RYR2: variants seen among roughly 807,000 people sequenced by gnomAD.
RYR2 encodes cardiac muscle ryanodine receptor-calcium release channel.
In RYR2, 227 loss-of-function variants were observed where a neutral mutation model predicts 601.1. The observed-to-expected ratio is 0.38, with a 90% confidence interval of 0.34 to 0.42. The LOEUF (loss-of-function observed/expected upper bound fraction) is 0.42, where lower values mean the gene tolerates loss of function less well. Ranked by LOEUF, RYR2 falls within the 10% of genes least tolerant of loss-of-function variation. The probability of loss-of-function intolerance (pLI) is 1.00; values close to 1 mark genes in which losing one functional copy is unlikely to be tolerated. For missense variants in RYR2, 4,646 were observed against 6,156.5 expected (o/e 0.75, Z 8.21); for synonymous variants, 2,223 against 2,175.1 (o/e 1.02, Z -0.61).
intron 101 of RYR2, among the ~76,000 whole-genome samples, chr1:237,821,011 G>A (rs994975746): frequency 1.2e-4 from 19 of 152,172 alleles, no homozygotes; most frequent in African/African-American, 4.3e-4. Context: ...GGAAAAAAAA[G>A]GCAGCAATCC....
intron 91 of RYR2, 57 bp from the exon 92 acceptor site, chr1:237,787,931 A>C: frequency 6.6e-7 from 1 of 1,504,262 alleles, no homozygotes. Flanking sequence ...TTTCCACAAC[A>C]CCCGTTTAGT....
intron 1 of RYR2, among the ~76,000 whole-genome samples, chr1:237,133,387 A>G (rs749934801): frequency 6.6e-6 from 1 of 152,148 alleles, no homozygotes; most frequent in African/African-American, 2.4e-5. Flanking sequence ...TTCTTACTTG[A>G]TATGAATAAG....
chr1:237,248,044 T>C (rs1558493879), intron 1 of RYR2, among the ~76,000 whole-genome samples: 1 of 151,952 alleles, frequency 6.6e-6, no homozygotes, highest in Non-Finnish European at 1.5e-5. Flanking sequence ...GAGGCCAAGG[T>C]GGGCAGATCA....
intron 102 of RYR2, among the ~76,000 whole-genome samples, chr1:237,829,230 T>C (rs548183431): frequency 2.0e-5 from 3 of 152,306 alleles, no homozygotes; most frequent in East Asian, 3.9e-4. Context: ...ATTTGCATTT[T>C]AAAAAGATAA....
chr1:237,751,037 A>G (rs1692494075), intron 80 of RYR2, among the ~76,000 whole-genome samples: 1 of 152,238 alleles, frequency 6.6e-6, no homozygotes, highest in Admixed American at 6.5e-5. Flanking sequence ...TCAAAATTCA[A>G]GTAATGAGCT....
chr1:237,148,521 A>C (rs1239475402), intron 1 of RYR2, among the ~76,000 whole-genome samples: 9 of 44,000 alleles, frequency 2.0e-4, no homozygotes, highest in African/African-American at 6.4e-4. Context: ...CAAGTAAAAA[A>C]AAAAAAATAT....
chr1:237,495,009 T>A (rs1447913105), intron 19 of RYR2, among the ~76,000 whole-genome samples: 2 of 152,164 alleles, frequency 1.3e-5, no homozygotes, highest in Non-Finnish European at 2.9e-5. Context: ...CAGCCTGGTC[T>A]CGAACTCCTG....
chr1:237,780,713 T>C (rs879628186), intron 88 of RYR2, among the ~76,000 whole-genome samples: 1 of 152,198 alleles, frequency 6.6e-6, no homozygotes, highest in Non-Finnish European at 1.5e-5. Context: ...TTAATCAAAT[T>C]GGTAAATAAG....
At chr1:237,828,548 A>T in intron 102 of RYR2, 103 bp downstream of exon 102, 1 of 739,636 alleles carries the variant, frequency 1.4e-6, no homozygotes, top group Non-Finnish European at 2.2e-6. Context: ...GAGGAGGGGG[A>T]AGGGCACAAC....
intron 89 of RYR2, among the ~76,000 whole-genome samples, chr1:237,782,665 A>C: frequency 6.6e-6 from 1 of 152,212 alleles, no homozygotes; most frequent in East Asian, 1.9e-4. Flanking sequence ...AACAAACAGC[A>C]ACAATAATAA....
chr1:237,652,033 C>CA (rs1682812018), intron 51 of RYR2, among the ~76,000 whole-genome samples: 1 of 148,510 alleles, frequency 6.7e-6, no homozygotes. Context: ...GAGACTCCGT[C>CA]AAAAAAAGAA....
intron 60 of RYR2, among the ~76,000 whole-genome samples, chr1:237,675,335 C>T (rs780635475): frequency 3.2e-4 from 49 of 152,228 alleles, no homozygotes; most frequent in Non-Finnish European, 3.1e-4. Context: ...ACCTCTTCCC[C>T]GTCTGGCCCA....
chr1:237,427,997 A>G (rs1190426918), intron 12 of RYR2, among the ~76,000 whole-genome samples: 5 of 152,170 alleles, frequency 3.3e-5, no homozygotes, highest in African/African-American at 7.2e-5. Flanking sequence ...GAAACATGAA[A>G]AAAAGCTCAA....
chr1:237,104,013 T>C (rs1322448193), intron 1 of RYR2, among the ~76,000 whole-genome samples: 1 of 151,542 alleles, frequency 6.6e-6, no homozygotes, highest in Non-Finnish European at 1.5e-5. Context: ...CGGGCTGAAG[T>C]TCCTCACGTG....
intron 6 of RYR2, among the ~76,000 whole-genome samples, chr1:237,371,990 A>C (rs1198465491): frequency 1.3e-5 from 2 of 152,316 alleles, no homozygotes; most frequent in African/African-American, 4.8e-5. Flanking sequence ...GGCACATGGC[A>C]CATGTATACG....
chr1:237,546,976 C>CATATATATATATATATATATAT lies in RYR2; in HGVS notation c.2907-1435_2907-1434insATATATATATATATATATATAT, dbSNP rs558814390. Among the ~76,000 whole-genome samples the CATATATATATATATATATATAT allele has an allele frequency of 9.0e-3, 870 of 96,994 alleles. 30 individuals carry two copies. Among genetic ancestry groups the CATATATATATATATATATATAT allele is most frequent in the Admixed American group, 0.013 (103 of 7,680 alleles). 63.6% of individuals were successfully genotyped at this position (96,994 alleles called of 152,430 possible). On this transcript the variant is annotated intron_variant, in intron 25 of 104. Coordinates refer to ENST00000366574, the MANE Select transcript of RYR2 (RefSeq NM_001035.3). ...AGAATTTGTAGTTTATTTTCAAAAG[C>CATATATATATATATATATATAT]ATATATATATATATATATATTTATT...
chr1:237,202,704 G>A (rs1031979122), intron 1 of RYR2, among the ~76,000 whole-genome samples: 5 of 152,128 alleles, frequency 3.3e-5, no homozygotes, highest in South Asian at 2.1e-4. Context: ...CACCGGGTCC[G>A]TCCTTTAACA....
rs75715634 is a variant in RYR2 at position 237,664,865 on chromosome 1, G to A, written c.8437-1647G>A. 4.6e-5 allele frequency among the ~76,000 whole-genome samples: 7 copies of A among 152,160 alleles called. No homozygotes were observed. The East Asian group carries it at 1.4e-3, about 29-fold the overall frequency. On this transcript the variant is annotated intron_variant, in intron 56 of 104. Transcript: ENST00000366574. ...AATGACTTTGATTTTATATGTTGTGGTGGGCAAAATTATGACTCCCAAATA... is the reference window on the plus strand; with the variant it reads ...AATGACTTTGATTTTATATGTTGTGATGGGCAAAATTATGACTCCCAAATA...
intron 77 of RYR2, 35 bp downstream of exon 77, chr1:237,730,391 G>T (rs761677187): frequency 1.7e-6 from 2 of 1,166,194 alleles, no homozygotes; most frequent in Admixed American, 3.4e-5. Context: ...ATGAAAGAGG[G>T]TCTAGGCTTG....
Sources: gnomAD v4.1 joint callset for allele counts (sites outside exome capture counted in the v4.1 genomes callset) on GRCh38, gnomAD v4.1.1 for gene constraint, MANE v1.5 for transcripts, NCBI Gene and HGNC (gene_info 2026-07-23, HGNC 2026-07-21) for gene names.